The following R3HDM2 variants were observed in gnomAD, a reference collection of about 807,000 sequenced individuals.
R3HDM2 encodes R3H domain-containing protein 2.
A neutral mutation model predicts 124.5 loss-of-function variants in R3HDM2; 38 were observed. That is an observed-to-expected ratio of 0.31 (90% CI 0.24 to 0.40). R3HDM2 has a LOEUF of 0.40. Ranked by LOEUF, R3HDM2 falls within the 10% of genes least tolerant of loss-of-function variation. The probability of loss-of-function intolerance (pLI) is 1.00; values close to 1 mark genes in which losing one functional copy is unlikely to be tolerated. For synonymous variants in R3HDM2, 391 were observed against 448.0 expected, an observed-to-expected ratio of 0.87 and a Z score of 1.61; for missense variants, 869 against 1,236.9, an observed-to-expected ratio of 0.70 and a Z score of 4.46.
chr12:57,333,962 C>A (rs2058535906), intron 2 of R3HDM2, among the ~76,000 whole-genome samples: 1 of 151,918 alleles, frequency 6.6e-6, no homozygotes, highest in African/African-American at 2.4e-5. Context: ...GAGCTTGAAC[C>A]CAGGAGGCAG....
chr12:57,326,537 T>C (rs2057335234), intron 2 of R3HDM2, among the ~76,000 whole-genome samples: 1 of 152,212 alleles, frequency 6.6e-6, no homozygotes, highest in Non-Finnish European at 1.5e-5. Flanking sequence ...CAGAGGTTGG[T>C]TCATGAGTTT....
chr12:57,358,828 G>A (rs2061573976), intron 2 of R3HDM2, among the ~76,000 whole-genome samples: 1 of 151,960 alleles, frequency 6.6e-6, no homozygotes, highest in Admixed American at 6.6e-5. Flanking sequence ...TATTTAGAGA[G>A]TGGTGTTGAA....
chr12:57,396,729 G>A (rs992074175), intron 1 of R3HDM2, among the ~76,000 whole-genome samples: 5 of 142,454 alleles, frequency 3.5e-5, no homozygotes, highest in African/African-American at 1.1e-4. Flanking sequence ...AGTGAGCTGA[G>A]ATCATGCCAC....
chr12:57,362,407 C>T (rs1050544513), intron 2 of R3HDM2, among the ~76,000 whole-genome samples: 1 of 152,174 alleles, frequency 6.6e-6, no homozygotes, highest in African/African-American at 2.4e-5. Flanking sequence ...ATATGGTATA[C>T]AATACATATA....
intron 1 of R3HDM2, among the ~76,000 whole-genome samples, chr12:57,416,789 C>T (rs138318684): frequency 9.0e-4 from 137 of 151,812 alleles, no homozygotes; most frequent in African/African-American, 3.1e-3. Flanking sequence ...GCCTGGGCAA[C>T]AGAGTGAGAC....
intron 1 of R3HDM2, among the ~76,000 whole-genome samples, chr12:57,423,400 G>C (rs2070395579): frequency 6.6e-6 from 1 of 151,798 alleles, no homozygotes; most frequent in Non-Finnish European, 1.5e-5. Context: ...CTCCAGCCTG[G>C]GCAACAGAGC....
At chr12:57,288,784 C>CT (rs142182411) in intron 12 of R3HDM2, 23,779 of 1,322,730 alleles carry the variant, frequency 0.018, 320 homozygotes, top group Non-Finnish European at 0.021. Context: ...CAAACCCACT[C>CT]TGCTGAAAAG....
intron 2 of R3HDM2, among the ~76,000 whole-genome samples, chr12:57,346,181 G>C (rs1310330222): frequency 6.9e-6 from 1 of 145,822 alleles, no homozygotes; most frequent in Non-Finnish European, 1.5e-5. Flanking sequence ...AAAAGGCCTG[G>C]AGCAGTGGCT....
chr12:57,274,342 C>G (rs2044225379), intron 14 of R3HDM2, among the ~76,000 whole-genome samples: 2 of 152,132 alleles, frequency 1.3e-5, no homozygotes, highest in Admixed American at 1.3e-4. Context: ...CGCATGGTGG[C>G]ACATGCCTGT....
At chr12:57,392,426 C>T (rs1394709631) in intron 2 of R3HDM2, among the ~76,000 whole-genome samples, 6 of 152,142 alleles carry the variant, frequency 3.9e-5, no homozygotes, top group Non-Finnish European at 7.3e-5. Context: ...ATAGAGTTCA[C>T]ACTCCTATGA....
intron 2 of R3HDM2, among the ~76,000 whole-genome samples, chr12:57,344,819 TTTTTTTG>T (rs1465814206): frequency 5.3e-5 from 8 of 152,006 alleles, no homozygotes; most frequent in South Asian, 2.1e-4. Flanking sequence ...ACTTCTCCTG[TTTTTTTG>T]TTTTTTGTTT....
intron 21 of R3HDM2, among the ~76,000 whole-genome samples, chr12:57,256,826 T>C (rs867892362): frequency 7.7e-6 from 1 of 130,264 alleles, no homozygotes; most frequent in Admixed American, 8.2e-5. Flanking sequence ...ATCTCTCTTT[T>C]TTTTTTTTTT....
intron 2 of R3HDM2, among the ~76,000 whole-genome samples, chr12:57,344,348 G>A (rs1490800148): frequency 6.6e-6 from 1 of 152,166 alleles, no homozygotes; most frequent in Non-Finnish European, 1.5e-5. Flanking sequence ...CAGGTTGAAT[G>A]TCTGCTAAAA....
At chr12:57,366,392 T>C (rs901212421) in intron 2 of R3HDM2, among the ~76,000 whole-genome samples, 8 of 152,258 alleles carry the variant, frequency 5.3e-5, no homozygotes, top group African/African-American at 1.9e-4. Context: ...ATTTTTCTTC[T>C]GCTGTGCCGA....
At chr12:57,366,834 C>T (rs577888624) in intron 2 of R3HDM2, among the ~76,000 whole-genome samples, 26 of 152,194 alleles carry the variant, frequency 1.7e-4, no homozygotes, top group South Asian at 4.1e-4. Context: ...GGACTACGGG[C>T]GCCCGCCACC....
At chr12:57,414,657 A>G (rs1251909425) in intron 1 of R3HDM2, among the ~76,000 whole-genome samples, 4 of 151,462 alleles carry the variant, frequency 2.6e-5, no homozygotes, top group Admixed American at 1.3e-4. Context: ...CCAACATGGC[A>G]AAACCCCATC....
At chr12:57,396,335 G>A (rs1304529758) in intron 1 of R3HDM2, among the ~76,000 whole-genome samples, 1 of 152,076 alleles carries the variant, frequency 6.6e-6, no homozygotes, top group African/African-American at 2.4e-5. Context: ...TAGCTGCTGG[G>A]GAGGCTGAGG....
At chr12:57,277,684 G>C (rs1380775515) in intron 14 of R3HDM2, among the ~76,000 whole-genome samples, 1 of 152,194 alleles carries the variant, frequency 6.6e-6, no homozygotes, top group Non-Finnish European at 1.5e-5. Context: ...CTGGCTTCAA[G>C]TAATCTGCCC....
intron 12 of R3HDM2, 47 bp downstream of exon 12, chr12:57,288,962 C>A: frequency 6.5e-7 from 1 of 1,546,506 alleles, no homozygotes; most frequent in Non-Finnish European, 8.8e-7. Context: ...ATTAACCTCA[C>A]TGGCAAAGCT....
Sources: allele counts gnomAD v4.1 joint callset (sites outside exome capture counted in the v4.1 genomes callset), GRCh38; gene constraint gnomAD v4.1.1; transcripts MANE v1.5; gene names NCBI Gene and HGNC (gene_info 2026-07-23, HGNC 2026-07-21).